Variants in BICD1 observed in about 807,000 individuals in gnomAD.
The protein encoded by BICD1 is protein bicaudal D homolog 1.
A neutral mutation model predicts 92.5 loss-of-function variants in BICD1; 35 were observed. The observed-to-expected ratio is 0.38, with a 90% CI of 0.29 to 0.50. BICD1 has a LOEUF of 0.50. Among genes scored for constraint, BICD1 ranks in the 20% least tolerant of loss-of-function variants. The probability of loss-of-function intolerance (pLI) is 0.93; values close to 1 mark genes in which losing one functional copy is unlikely to be tolerated. For synonymous variants in BICD1, 429 were observed against 465.1 expected (o/e 0.92, Z 1.00); for missense variants, 950 against 1,189.8 (o/e 0.80, Z 2.97).
At chr12:32,167,396 T>C (rs145336141) in intron 1 of BICD1, among the ~76,000 whole-genome samples, 249 of 152,364 alleles carry the variant, frequency 1.6e-3, no homozygotes, top group African/African-American at 5.9e-3. Context: ...GCTTAGACTT[T>C]AAAATTGTTT....
chr12:32,346,536 G>GTATA (rs59893108), intron 8 of BICD1, among the ~76,000 whole-genome samples: 1 of 24,138 alleles, frequency 4.1e-5, no homozygotes, highest in Non-Finnish European at 1.4e-4. Flanking sequence ...ATATATACGT[G>GTATA]TATATATATA....
chr12:32,112,001 CTTTTTTTTTTTTT>C lies in BICD1; in HGVS notation c.213+4467_213+4479del, dbSNP rs35592483. On this transcript the variant is annotated intron_variant, in intron 1 of 9. Coordinates refer to ENST00000652176, the MANE Select transcript of BICD1 (RefSeq NM_001714.4). ...CCAGTTGCTCTAACTTGCACTATCCCTTTTTTTTTTTTTTTTTTTTTTGAGATGGAGTTTCACT... is the reference window on the plus strand; with the variant it reads ...CCAGTTGCTCTAACTTGCACTATCCCTTTTTTTTTGAGATGGAGTTTCACT... Among the ~76,000 whole-genome samples the C allele has an allele frequency of 1.6e-4, 16 of 97,088 alleles. No individual in the cohort carries two copies. In the South Asian group the frequency reaches 4.5e-3, roughly 27 times the overall value. 63.7% of individuals were successfully genotyped at this position (97,088 alleles called of 152,430 possible). A position where few individuals can be genotyped will look rare whatever the true frequency, so the allele number is the denominator to read the frequency against.
At chr12:32,291,871 A>G (rs114903572) in intron 2 of BICD1, among the ~76,000 whole-genome samples, 182 of 152,238 alleles carry the variant, frequency 1.2e-3, no homozygotes, top group African/African-American at 4.1e-3. Flanking sequence ...ATGAAGCAAG[A>G]TGAGAGACAT....
At chr12:32,301,591 A>G (rs1948047946) in intron 3 of BICD1, among the ~76,000 whole-genome samples, 1 of 151,604 alleles carries the variant, frequency 6.6e-6, no homozygotes, top group African/African-American at 2.4e-5. Flanking sequence ...CCTGGGCAAC[A>G]TGGTACAAAA....
chr12:32,143,598 T>C (rs369514122), intron 1 of BICD1, among the ~76,000 whole-genome samples: 14 of 152,306 alleles, frequency 9.2e-5, no homozygotes, highest in African/African-American at 3.4e-4. Flanking sequence ...TTGCTTTCAT[T>C]GTTTGGGCTA....
intron 2 of BICD1, among the ~76,000 whole-genome samples, chr12:32,232,035 C>G (rs902458342): frequency 4.5e-4 from 68 of 151,298 alleles, no homozygotes; most frequent in Admixed American, 1.8e-3. Context: ...GTGAATAATG[C>G]CGCAATAAAC....
chr12:32,226,608 G>A (rs751932883), intron 2 of BICD1, among the ~76,000 whole-genome samples: 8 of 152,200 alleles, frequency 5.3e-5, no homozygotes, highest in Non-Finnish European at 1.0e-4. Context: ...AGTGCAGGCT[G>A]AGTGGCCAGC....
chr12:32,171,146 G>A lies in BICD1; in HGVS notation c.214-45101G>A, dbSNP rs114998912. 4.7e-3 allele frequency among the ~76,000 whole-genome samples: 708 copies of A among 152,214 alleles called. 2 individuals carry two copies. The highest frequency in any genetic ancestry group is 0.016 in the African/African-American group (672 of 41,528). On this transcript the variant is annotated intron_variant, in intron 1 of 9. Transcript: ENST00000652176. ...CTCAATAGAGAAATTCTACATTCCC[G>A]CCTGTTGAAAGCAGACATGGTTACT...
At chr12:32,306,742 C>CG (rs1174962990) in intron 4 of BICD1, among the ~76,000 whole-genome samples, 1 of 151,702 alleles carries the variant, frequency 6.6e-6, no homozygotes, top group Non-Finnish European at 1.5e-5. Context: ...GGGCCGGGCG[C>CG]GGTGGCTTAC....
chr12:32,207,942 G>C (rs1945109875), intron 1 of BICD1, among the ~76,000 whole-genome samples: 1 of 152,174 alleles, frequency 6.6e-6, no homozygotes, highest in Non-Finnish European at 1.5e-5. Flanking sequence ...TAAGTCCAAG[G>C]AAAACCTTTA....
At chr12:32,298,234 A>G (rs1442226858) in intron 3 of BICD1, among the ~76,000 whole-genome samples, 3 of 151,824 alleles carry the variant, frequency 2.0e-5, no homozygotes, top group Admixed American at 6.6e-5. Context: ...CACTTCTAAT[A>G]TGAAACATTT....
At chr12:32,248,488 G>A (rs1479081276) in intron 2 of BICD1, among the ~76,000 whole-genome samples, 4 of 152,146 alleles carry the variant, frequency 2.6e-5, no homozygotes, top group African/African-American at 7.2e-5. Context: ...CCTTAAAGAA[G>A]GAGAAATTGA....
chr12:32,130,068 A>G (rs1373638785), intron 1 of BICD1, among the ~76,000 whole-genome samples: 1 of 152,258 alleles, frequency 6.6e-6, no homozygotes, highest in East Asian at 1.9e-4. Context: ...AAGAGCAACT[A>G]GTCAGAGAGG....
intron 1 of BICD1, among the ~76,000 whole-genome samples, chr12:32,198,093 T>C (rs1172398964): frequency 6.6e-6 from 1 of 151,764 alleles, no homozygotes; most frequent in Non-Finnish European, 1.5e-5. Flanking sequence ...TAATCCCAGC[T>C]ACTCGGGTGG....
At chr12:32,331,904 T>A (rs1937890501) in intron 5 of BICD1, among the ~76,000 whole-genome samples, 2 of 152,212 alleles carry the variant, frequency 1.3e-5, no homozygotes, top group South Asian at 4.1e-4. Context: ...CTTCAAGTAT[T>A]AACAGATGAC....
chr12:32,244,517 C>T (rs1444346115), intron 2 of BICD1, among the ~76,000 whole-genome samples: 1 of 152,174 alleles, frequency 6.6e-6, no homozygotes, highest in Admixed American at 6.5e-5. Context: ...ACTTCTTATT[C>T]TATTCCTATC....
At chr12:32,272,694 C>T (rs966537932) in intron 2 of BICD1, among the ~76,000 whole-genome samples, 2 of 152,128 alleles carry the variant, frequency 1.3e-5, no homozygotes, top group Admixed American at 6.5e-5. Flanking sequence ...GGCGTGGTGA[C>T]GTGCACCTGT....
chr12:32,191,246 A>G (rs1944557424), intron 1 of BICD1, among the ~76,000 whole-genome samples: 1 of 152,202 alleles, frequency 6.6e-6, no homozygotes, highest in South Asian at 2.1e-4. Flanking sequence ...AGCTAAGGAG[A>G]CAGTAGAAAA....
At chr12:32,229,179 A>G (rs1249313682) in intron 2 of BICD1, among the ~76,000 whole-genome samples, 2 of 152,132 alleles carry the variant, frequency 1.3e-5, no homozygotes, top group African/African-American at 4.8e-5. Flanking sequence ...TGAACCCGGG[A>G]GGTGGAGGTT....
Sources: allele counts gnomAD v4.1 joint callset (sites outside exome capture counted in the v4.1 genomes callset), GRCh38; gene constraint gnomAD v4.1.1; transcripts MANE v1.5; gene names NCBI Gene and HGNC (gene_info 2026-07-23, HGNC 2026-07-21).